RIMS3: variants seen among roughly 807,000 people sequenced by gnomAD.
RIMS3 encodes regulating synaptic membrane exocytosis 3.
In RIMS3, 15 loss-of-function variants were observed where a neutral mutation model predicts 29.2. That is an observed-to-expected ratio of 0.51 (90% CI 0.34 to 0.79). The LOEUF (loss-of-function observed/expected upper bound fraction) is 0.79. RIMS3 is among the 30% of genes least tolerant of loss of function. The pLI is 0.01. For synonymous variants in RIMS3, 161 were observed against 170.1 expected (o/e 0.95, Z 0.41); for missense variants, 342 against 421.4 (o/e 0.81, Z 1.65).
intron 7 of RIMS3, among the ~76,000 whole-genome samples, chr1:40,627,796 G>A (rs866549423): frequency 1.3e-5 from 2 of 151,922 alleles, no homozygotes; most frequent in Non-Finnish European, 1.5e-5. Flanking sequence ...TTTAGAGATG[G>A]GATCTTGCTA....
intron 3 of RIMS3, among the ~76,000 whole-genome samples, chr1:40,639,405 G>C (rs1032406899): frequency 6.6e-6 from 1 of 152,228 alleles, no homozygotes; most frequent in Non-Finnish European, 1.5e-5. Flanking sequence ...ATTCTAGATG[G>C]AGAGGAACGT....
the RIMS3 span, chr1:40,691,548 AG>A: frequency 0.049 from 14,709 of 300,168 alleles, 796 homozygotes; most frequent in African/African-American, 0.17. Context: ...AGCTCCCGAA[AG>A]GGGGCGGGGT....
chr1:40,629,595 C>T (rs984702497), intron 5 of RIMS3, among the ~76,000 whole-genome samples: 2 of 151,664 alleles, frequency 1.3e-5, no homozygotes, highest in Admixed American at 6.6e-5. Context: ...GGGGCATGAT[C>T]TTCAGGGGCA....
In RIMS3 at chr1:40,642,726, C is replaced by T. The variant is rs138077744; in HGVS notation, c.-31-770G>A. 4.8e-3 allele frequency among the ~76,000 whole-genome samples: 733 copies of T among 151,854 alleles called. 6 individuals carry two copies. Among genetic ancestry groups the T allele is most frequent in the African/African-American group, 0.017 (701 of 41,386 alleles). ...ATCCTAGCACTTTGGGAGGCCGAGG[C>T]GGGCGGATCACCTGAGGTCAGGAGT... On this transcript the variant is annotated intron_variant, in intron 2 of 7. Transcript: ENST00000372684.
chr1:40,687,268 C>G, the RIMS3 span, among the ~76,000 whole-genome samples: 6 of 152,166 alleles, frequency 3.9e-5, no homozygotes, highest in African/African-American at 1.2e-4. Flanking sequence ...GGATGCACAA[C>G]GTGAACAGGC....
the RIMS3 span, chr1:40,673,186 A>G: frequency 6.6e-6 from 1 of 152,184 alleles, no homozygotes; most frequent in African/African-American, 2.4e-5. Flanking sequence ...CTCAAAAAAA[A>G]AAGCATCTCA....
chr1:40,681,132 C>T, the RIMS3 span, among the ~76,000 whole-genome samples: 2 of 152,162 alleles, frequency 1.3e-5, no homozygotes, highest in Non-Finnish European at 2.9e-5. Flanking sequence ...GAGTCTGTAT[C>T]TTAAAACCAA....
Position 40,641,802 on chromosome 1 carries a change from C to T in RIMS3, c.124G>A (p.Ala42Thr), listed in dbSNP as rs149583022. The T allele has an allele frequency of 2.8e-5, 45 of 1,612,402 alleles. No homozygotes were observed. Among genetic ancestry groups the T allele is most frequent in the African/African-American group, 1.3e-4 (10 of 74,922 alleles). ...QAGGGAGTTT[A>T]KKRRSSLGAK... The stretch of plus-strand genomic sequence containing the variant: ...CCCAGGCTGCTCCGCCGCTTCTTGG[C>T]GGTGGTGGTCCCAGCCCCGCCCCCG... The change falls in exon 3 of 8, where the codon GCC becomes ACC. Residue 42 changes from alanine to threonine, a missense_variant. By Grantham distance (58) the Ala-to-Thr change is moderately conservative (BLOSUM62 0). Coordinates refer to ENST00000372684, the MANE Select transcript of RIMS3 (RefSeq NM_014747.3).
chr1:40,665,986 A>G (rs1290508437), upstream of RIMS3, among the ~76,000 whole-genome samples: 1 of 152,156 alleles, frequency 6.6e-6, no homozygotes, highest in African/African-American at 2.4e-5. Context: ...GGCACCTCCC[A>G]GGACCTCACA....
intron 1 of RIMS3, among the ~76,000 whole-genome samples, chr1:40,651,645 C>A (rs928559547): frequency 6.6e-6 from 1 of 152,216 alleles, no homozygotes; most frequent in African/African-American, 2.4e-5. Context: ...TCGTCGTCTT[C>A]ACCCTGAACC....
chr1:40,653,685 C>T (rs1402261304), intron 1 of RIMS3, among the ~76,000 whole-genome samples: 1 of 152,190 alleles, frequency 6.6e-6, no homozygotes, highest in Non-Finnish European at 1.5e-5. Flanking sequence ...ACTACACACA[C>T]ACTTACATGT....
the RIMS3 span, among the ~76,000 whole-genome samples, chr1:40,683,140 T>G: frequency 6.6e-6 from 1 of 152,212 alleles, no homozygotes; most frequent in Non-Finnish European, 1.5e-5. Context: ...GGACTCGAAC[T>G]CAGGCTAACT....
intron 1 of RIMS3, among the ~76,000 whole-genome samples, chr1:40,648,365 A>T (rs529282745): frequency 6.6e-5 from 10 of 152,348 alleles, no homozygotes; most frequent in South Asian, 2.1e-4. Context: ...GACTGGGGTC[A>T]GATGAGACAA....
chr1:40,670,609 T>TATATATATATA (rs55692608), upstream of RIMS3, among the ~76,000 whole-genome samples: 276 of 135,496 alleles, frequency 2.0e-3, no homozygotes, highest in South Asian at 3.5e-3. Flanking sequence ...TATATATATA[T>TATATATATATA]TTGAGATGGA....
chr1:40,685,615 A>G, the RIMS3 span, among the ~76,000 whole-genome samples: 1 of 151,884 alleles, frequency 6.6e-6, no homozygotes, highest in African/African-American at 2.4e-5. Flanking sequence ...CTGTCCTAAA[A>G]TCCCCGTTGG....
Position 40,621,424 on chromosome 1 carries a change from G to A in RIMS3, c.*5093C>T. ...AAAGCAGAGTCTGTTAGGATTCCCA[G>A]AGTTCTTGTCTGAGGCAGCATCTGG... On this transcript the variant is annotated 3_prime_UTR_variant, in exon 8 of 8. Coordinates refer to ENST00000372684, the MANE Select transcript of RIMS3 (RefSeq NM_014747.3). The A allele has an allele frequency of 6.6e-6, 1 of 152,210 alleles. No individual in the cohort carries two copies. The highest frequency in any genetic ancestry group is 1.5e-5 in the Non-Finnish European group (1 of 68,056). 9.4% of individuals were successfully genotyped at this position (152,210 alleles called of 1,614,324 possible). A position where few individuals can be genotyped will look rare whatever the true frequency, so the allele number is the denominator to read the frequency against.
At chr1:40,688,840 A>C in the RIMS3 span, among the ~76,000 whole-genome samples, 1 of 152,138 alleles carries the variant, frequency 6.6e-6, no homozygotes, top group Admixed American at 6.5e-5. Context: ...TGTTCACAGA[A>C]TCTCTCTCCA....
the RIMS3 span, among the ~76,000 whole-genome samples, chr1:40,686,576 G>A: frequency 6.6e-6 from 1 of 152,104 alleles, no homozygotes; most frequent in Non-Finnish European, 1.5e-5. Flanking sequence ...AGAATGGCGT[G>A]AACCCGGGAG....
At chr1:40,655,757 T>C (rs899316886) in intron 1 of RIMS3, among the ~76,000 whole-genome samples, 1 of 152,128 alleles carries the variant, frequency 6.6e-6, no homozygotes, top group Non-Finnish European at 1.5e-5. Flanking sequence ...GTAATCCCAA[T>C]ACTTTGGGAG....
Sources: gnomAD v4.1 joint callset for allele counts (sites outside exome capture counted in the v4.1 genomes callset) on GRCh38, gnomAD v4.1.1 for gene constraint, MANE v1.5 for transcripts, NCBI Gene and HGNC (gene_info 2026-07-23, HGNC 2026-07-21) for gene names.